The following CACNG7 variants were observed in gnomAD, a reference collection of about 807,000 sequenced individuals.
The protein encoded by CACNG7 is calcium voltage-gated channel auxiliary subunit gamma 7.
CACNG7 carries 9 observed loss-of-function variants against 26.3 expected under a neutral mutation model. The ratio of observed to expected loss-of-function variants is 0.34; its 90% CI spans 0.21 to 0.60. The LOEUF is 0.60. CACNG7 is among the 20% of genes least tolerant of loss of function. The probability of loss-of-function intolerance (pLI) is 0.81; values close to 1 mark genes in which losing one functional copy is unlikely to be tolerated. For synonymous variants in CACNG7, 170 were observed against 157.0 expected, an observed-to-expected ratio of 1.08 and a Z score of -0.62; for missense variants, 297 against 380.4, an observed-to-expected ratio of 0.78 and a Z score of 1.82.
At chr19:53,923,982 C>T (rs2068995025) in intron 4 of CACNG7, among the ~76,000 whole-genome samples, 1 of 138,916 alleles carries the variant, frequency 7.2e-6, no homozygotes, top group Non-Finnish European at 1.5e-5. Flanking sequence ...TGGAGTTGTC[C>T]CCAGGCCTGG....
At chr19:53,936,755 C>T (rs1258945646) in intron 4 of CACNG7, among the ~76,000 whole-genome samples, 2 of 152,078 alleles carry the variant, frequency 1.3e-5, no homozygotes, top group Non-Finnish European at 2.9e-5. Context: ...ATTACAGGCA[C>T]CCACCACCAT....
chr19:53,923,253 TCCCAGGTCTGGTCATTGGTGCAGTTGC>T (rs2068980885), intron 4 of CACNG7, among the ~76,000 whole-genome samples: 3 of 53,714 alleles, frequency 5.6e-5, no homozygotes, highest in Non-Finnish European at 9.7e-5. Context: ...GGTGGAGTTG[TCCCAGGTCTGGTCATTGGTGCAGTTGC>T]CCCAGGTCTG....
chr19:53,916,624 G>C (rs2068900446), intron 4 of CACNG7, among the ~76,000 whole-genome samples: 1 of 150,536 alleles, frequency 6.6e-6, no homozygotes, highest in Non-Finnish European at 1.5e-5. Context: ...AAGTAGCTGG[G>C]ATTACAGGCA....
intron 4 of CACNG7, among the ~76,000 whole-genome samples, chr19:53,923,563 ATTGGTGGAGTTGTCCCAGG>A (rs1240330440): frequency 2.9e-4 from 35 of 119,118 alleles, no homozygotes; most frequent in South Asian, 8.8e-4. Context: ...AGGTCTGGTC[ATTGGTGGAGTTGTCCCAGG>A]CTGGTCATTG....
At chr19:53,931,577 A>G (rs1442062409) in intron 4 of CACNG7, among the ~76,000 whole-genome samples, 1 of 150,484 alleles carries the variant, frequency 6.6e-6, no homozygotes, top group African/African-American at 2.4e-5. Flanking sequence ...AGTCCCAGCT[A>G]CTCAGGAAGC....
chr19:53,922,185 G>T (rs2068964188), intron 4 of CACNG7, among the ~76,000 whole-genome samples: 1 of 126,630 alleles, frequency 7.9e-6, no homozygotes, highest in Non-Finnish European at 1.6e-5. Flanking sequence ...TCCCAGGCTG[G>T]TCATTGGTGG....
chr19:53,920,323 GC>G (rs1568773261), intron 4 of CACNG7, among the ~76,000 whole-genome samples: 4 of 110,842 alleles, frequency 3.6e-5, no homozygotes, highest in African/African-American at 1.8e-4. Flanking sequence ...TGGTGGAGTT[GC>G]CCCAGGTCTG....
At position 53,919,377 on chromosome 19, in the gene CACNG7, T is replaced by C. The variant is rs1313511479; in HGVS notation, c.424+3872T>C. Among the ~76,000 whole-genome samples the C allele has an allele frequency of 2.3e-4, 32 of 140,048 alleles. 2 individuals carry two copies. In the East Asian group the frequency reaches 2.7e-3, roughly 12 times the overall value. The allele number at this position is 140,048 out of a possible 152,430, so 91.9% of individuals were successfully genotyped here. On this transcript the variant is annotated intron_variant, in intron 4 of 5. Transcript: ENST00000391767. ...TGGTCATTGGTGGAGTTGTCCCAGG[T>C]CTGGTCATTGGTGGAGTTGTCCCCA...
At chr19:53,922,450 C>A (rs1011434432) in intron 4 of CACNG7, among the ~76,000 whole-genome samples, 1 of 118,544 alleles carries the variant, frequency 8.4e-6, no homozygotes. Context: ...TGGAGTTGTC[C>A]CAGGCTGGTC....
At chr19:53,914,735 C>T (rs1212473131) in intron 3 of CACNG7, 149 bp downstream of exon 3, 3 of 703,684 alleles carry the variant, frequency 4.3e-6, no homozygotes, top group Admixed American at 4.4e-5. Flanking sequence ...GGCATGGTGG[C>T]TCACACCTGT....
chr19:53,915,240 A>G lies in CACNG7; in HGVS notation c.284-125A>G, dbSNP rs1351430112. Reference sequence around the variant, plus strand: ...AGAAGAGTCAGTGGGGAAGGGGAGGAGTCAGTAAGGAAAGGGAGGAGCCAA... The same window carrying G: ...AGAAGAGTCAGTGGGGAAGGGGAGGGGTCAGTAAGGAAAGGGAGGAGCCAA... On this transcript the variant is annotated intron_variant, in intron 3 of 5. Coordinates refer to ENST00000391767, the MANE Select transcript of CACNG7 (RefSeq NM_031896.5). The G allele has an allele frequency of 6.0e-6, 4 of 670,036 alleles. No homozygotes were observed. In the African/African-American group the frequency reaches 7.1e-5, roughly 12 times the overall value. The allele number at this position is 670,036 out of a possible 1,614,324, so 41.5% of individuals were successfully genotyped here.
rs183760861 is a variant in CACNG7, at chr19:53,911,136, G to A, written c.-30+1619G>A. 4.1e-3 allele frequency among the ~76,000 whole-genome samples: 616 copies of A among 151,440 alleles called. 2 individuals are homozygous for A. Among genetic ancestry groups the A allele is most frequent in the Middle Eastern group, 0.017 (5 of 294 alleles). On this transcript the variant is annotated intron_variant, in intron 1 of 5. Transcript: ENST00000391767. ...GGCTGAAGTGCAATGGTGCTATCTCGGCTCACTGCAACCTTGCCTCTCAGG... is the reference window on the plus strand; with the variant it reads ...GGCTGAAGTGCAATGGTGCTATCTCAGCTCACTGCAACCTTGCCTCTCAGG...
At chr19:53,924,686 A>C (rs2069008019) in intron 4 of CACNG7, among the ~76,000 whole-genome samples, 1 of 144,688 alleles carries the variant, frequency 6.9e-6, no homozygotes, top group Non-Finnish European at 1.5e-5. Context: ...GAGTTGCCCC[A>C]GGTCTGGTAT....
intron 4 of CACNG7, among the ~76,000 whole-genome samples, chr19:53,922,939 T>C (rs1341733833): frequency 2.2e-5 from 2 of 91,778 alleles, no homozygotes; most frequent in Non-Finnish European, 3.9e-5. Flanking sequence ...GTCCCAGGTC[T>C]GGTCATTGGT....
chr19:53,937,635 G>A (rs975153147), intron 4 of CACNG7, among the ~76,000 whole-genome samples: 82 of 145,426 alleles, frequency 5.6e-4, no homozygotes, highest in Non-Finnish European at 1.8e-4. Flanking sequence ...TTGTTGCCCA[G>A]GCTGGAGTGC....
chr19:53,924,476 G>A lies in CACNG7; in HGVS notation c.424+8971G>A, dbSNP rs1487399628. 6.5e-5 allele frequency among the ~76,000 whole-genome samples: 9 copies of A among 138,866 alleles called. 1 individual carries two copies. Among genetic ancestry groups the A allele is most frequent in the East Asian group, 4.6e-4 (2 of 4,346 alleles). The allele number at this position is 138,866 out of a possible 152,430, so 91.1% of individuals were successfully genotyped here. On this transcript the variant is annotated intron_variant, in intron 4 of 5. Transcript: ENST00000391767. ...GGTCTGGTCATTGGTGGAGTTGTCC[G>A]AGGTCTGGTATTGGTGGAGTTGTCC...
chr19:53,938,947 TCAAAACAAAA>T (rs3071103), intron 4 of CACNG7, among the ~76,000 whole-genome samples: 6 of 149,230 alleles, frequency 4.0e-5, no homozygotes, highest in African/African-American at 1.2e-4. Context: ...GACCCTGTCT[TCAAAACAAAA>T]CAAAACAAAA....
intron 4 of CACNG7, among the ~76,000 whole-genome samples, chr19:53,922,957 CCCCAGGTCTGGTCATTGGTGGAGTTGT>C (rs1568775807): frequency 1.4e-5 from 1 of 74,072 alleles, no homozygotes; most frequent in Non-Finnish European, 2.3e-5. Context: ...GGTGGAGTTG[CCCCAGGTCTGGTCATTGGTGGAGTTGT>C]CCCAGGACTG....
chr19:53,914,510 A>C lies in CACNG7; in HGVS notation c.207A>C (p.Lys69Asn). The C allele has an allele frequency of 1.9e-6, 3 of 1,614,048 alleles. No individual in the cohort carries two copies. The highest frequency in any genetic ancestry group is 2.5e-6 in the Non-Finnish European group (3 of 1,179,986). Reference protein sequence around the residue: ...WRVCFFAGREKGRCVASEYFL... With the variant: ...WRVCFFAGRENGRCVASEYFL... ...TTCTCTTCCCCCCAGGTCGGGAGAAAGGTCGCTGTGTGGCCTCAGAATATT... is the reference window on the plus strand; with the variant it reads ...TTCTCTTCCCCCCAGGTCGGGAGAACGGTCGCTGTGTGGCCTCAGAATATT... The change falls in exon 3 of 6, where the codon AAA becomes AAC. Residue 69 changes from lysine (K) to asparagine (N), a missense_variant. By Grantham distance (94) the Lys-to-Asn change is moderately conservative (BLOSUM62 0). Transcript: ENST00000391767.
Sources: gnomAD v4.1 joint callset for allele counts (sites outside exome capture counted in the v4.1 genomes callset) on GRCh38, gnomAD v4.1.1 for gene constraint, MANE v1.5 for transcripts, NCBI Gene and HGNC (gene_info 2026-07-23, HGNC 2026-07-21) for gene names.